The following IL1RAPL2 variants were observed in gnomAD, a reference collection of about 807,000 sequenced individuals.
IL1RAPL2 encodes the protein X-linked interleukin-1 receptor accessory protein-like 2.
In IL1RAPL2, 3 loss-of-function variants were observed where a neutral mutation model predicts 44.1. That is an observed-to-expected ratio of 0.07 (90% CI 0.03 to 0.18). The LOEUF is 0.18. IL1RAPL2 is among the 10% of genes least tolerant of loss of function. IL1RAPL2 has a pLI of 1.00. For missense variants in IL1RAPL2, 391 were observed against 496.4 expected (o/e 0.79, Z 2.02); for synonymous variants, 181 against 178.8 (o/e 1.01, Z -0.10).
At chrX:104,899,869 G>A (rs1391996131) in intron 2 of IL1RAPL2, among the ~76,000 whole-genome samples, 10 of 111,770 alleles carry the variant, frequency 8.9e-5, no homozygotes, top group African/African-American at 1.3e-4. Context: ...CTATGTGCTC[G>A]TAGCACTTAT....
At chrX:104,885,125 G>T (rs1009708132) in intron 2 of IL1RAPL2, among the ~76,000 whole-genome samples, 1 of 111,985 alleles carries the variant, frequency 8.9e-6, no homozygotes, top group Admixed American at 9.5e-5. Flanking sequence ...TCATGCTATT[G>T]TAAGATCAAA....
chrX:105,643,460 C>G (rs1229929339), intron 6 of IL1RAPL2, among the ~76,000 whole-genome samples: 1 of 111,273 alleles, frequency 9.0e-6, no homozygotes, highest in East Asian at 2.8e-4. Flanking sequence ...TAGCATATTA[C>G]AGAGATGATC....
At chrX:105,383,612 T>G (rs2035454170) in intron 5 of IL1RAPL2, among the ~76,000 whole-genome samples, 1 of 112,255 alleles carries the variant, frequency 8.9e-6, no homozygotes, top group African/African-American at 3.2e-5. Context: ...TGTCCTTTCT[T>G]TTGAATATCT....
At chrX:105,323,560 A>G (rs1252205182) in intron 5 of IL1RAPL2, among the ~76,000 whole-genome samples, 1 of 111,493 alleles carries the variant, frequency 9.0e-6, no homozygotes. Flanking sequence ...GTTATATTCT[A>G]TATAGCACTA....
intron 2 of IL1RAPL2, among the ~76,000 whole-genome samples, chrX:104,748,064 A>T (rs1252843828): frequency 9.0e-6 from 1 of 111,542 alleles, no homozygotes; most frequent in African/African-American, 3.3e-5. Flanking sequence ...AAGATGGTTC[A>T]TTTACAATTG....
chrX:105,703,762 T>C (rs181330090), intron 6 of IL1RAPL2, among the ~76,000 whole-genome samples: 7 of 112,291 alleles, frequency 6.2e-5, no homozygotes, highest in African/African-American at 2.3e-4. Context: ...TTTGAAAGAA[T>C]CTTGGTGGGT....
chrX:105,370,518 C>G (rs2035330364), intron 5 of IL1RAPL2, among the ~76,000 whole-genome samples: 2 of 111,756 alleles, frequency 1.8e-5, no homozygotes, highest in Non-Finnish European at 3.8e-5. Context: ...AGGATAATGG[C>G]CTCCAGCCCC....
chrX:104,947,754 C>T lies in IL1RAPL2; in HGVS notation c.83-247721C>T, dbSNP rs180917845. Reference sequence around the variant, plus strand: ...ATATGCGGTGTTATTTCTCAGGGTTCTGTTCTGTTCCATTGGTCTATATCT... The same window carrying T: ...ATATGCGGTGTTATTTCTCAGGGTTTTGTTCTGTTCCATTGGTCTATATCT... On this transcript the variant is annotated intron_variant, in intron 2 of 10. Coordinates refer to ENST00000372582, the MANE Select transcript of IL1RAPL2 (RefSeq NM_017416.2). Among the ~76,000 whole-genome samples, 3 of 111,741 alleles carry T rather than the reference C, an allele frequency of 2.7e-5. No homozygotes were observed. The Admixed American group carries it at 2.9e-4, about 11-fold the overall frequency.
intron 2 of IL1RAPL2, among the ~76,000 whole-genome samples, chrX:104,812,433 A>G (rs1374121447): frequency 9.0e-6 from 1 of 111,459 alleles, no homozygotes; most frequent in Non-Finnish European, 1.9e-5. Flanking sequence ...GTTTATGGAG[A>G]CCATGCTGTC....
intron 2 of IL1RAPL2, among the ~76,000 whole-genome samples, chrX:104,766,290 A>T (rs1450884867): frequency 8.9e-6 from 1 of 112,282 alleles, no homozygotes; most frequent in South Asian, 3.7e-4. Context: ...AAGGATTCAA[A>T]GCCATCACTT....
chrX:105,702,467 T>C (rs149534971), intron 6 of IL1RAPL2, among the ~76,000 whole-genome samples: 125 of 111,963 alleles, frequency 1.1e-3, no homozygotes, highest in African/African-American at 3.0e-3. Context: ...CGAGGTAAAA[T>C]AGAAGCTTTA....
chrX:105,378,037 A>G (rs1482113276), intron 5 of IL1RAPL2, among the ~76,000 whole-genome samples: 1 of 112,075 alleles, frequency 8.9e-6, no homozygotes, highest in East Asian at 2.8e-4. Flanking sequence ...ATGGAATAAC[A>G]GTCTCTCCAA....
chrX:105,363,316 T>C (rs1569429216), intron 5 of IL1RAPL2, among the ~76,000 whole-genome samples: 1 of 89,231 alleles, frequency 1.1e-5, no homozygotes, highest in Non-Finnish European at 2.1e-5. Flanking sequence ...ATAATATATA[T>C]ATATATATAT....
chrX:105,618,119 ACT>A (rs1225597410), intron 6 of IL1RAPL2, among the ~76,000 whole-genome samples: 282 of 104,162 alleles, frequency 2.7e-3, no homozygotes, highest in African/African-American at 0.01. Flanking sequence ...TCTCTCTCTC[ACT>A]CACACACACA....
intron 2 of IL1RAPL2, among the ~76,000 whole-genome samples, chrX:104,942,050 T>C (rs899239044): frequency 8.6e-4 from 96 of 111,738 alleles, no homozygotes; most frequent in Non-Finnish European, 1.7e-3. Context: ...TTCTGTTCCA[T>C]TGGTCTGTAT....
intron 6 of IL1RAPL2, among the ~76,000 whole-genome samples, chrX:105,543,858 C>T (rs5916927): frequency 5.4e-5 from 6 of 110,764 alleles, no homozygotes; most frequent in African/African-American, 2.0e-4. Context: ...AGTGTGAGTC[C>T]TCCAAAAGTA....
At chrX:105,262,875 T>G (rs2034370441) in intron 4 of IL1RAPL2, among the ~76,000 whole-genome samples, 1 of 110,702 alleles carries the variant, frequency 9.0e-6, no homozygotes, top group Non-Finnish European at 1.9e-5. Flanking sequence ...GACAGTTCAG[T>G]TTCCCTAAAG....
At chrX:105,704,535 T>C (rs1474036931) in intron 6 of IL1RAPL2, among the ~76,000 whole-genome samples, 1 of 112,237 alleles carries the variant, frequency 8.9e-6, no homozygotes, top group Non-Finnish European at 1.9e-5. Context: ...TTTAAAATAT[T>C]AAATATACTT....
At chrX:105,068,778 T>C (rs2032169702) in intron 2 of IL1RAPL2, among the ~76,000 whole-genome samples, 1 of 112,106 alleles carries the variant, frequency 8.9e-6, no homozygotes, top group African/African-American at 3.2e-5. Context: ...ATTTCACTCT[T>C]CTTAAAATTC....
Sources: gnomAD v4.1 joint callset for allele counts (sites outside exome capture counted in the v4.1 genomes callset) on GRCh38, gnomAD v4.1.1 for gene constraint, MANE v1.5 for transcripts, NCBI Gene and HGNC (gene_info 2026-07-23, HGNC 2026-07-21) for gene names.